The following TNRC6B variants were observed in gnomAD, a reference collection of about 807,000 sequenced individuals.
TNRC6B encodes trinucleotide repeat containing adaptor 6B.
A neutral mutation model predicts 203.6 loss-of-function variants in TNRC6B; 52 were observed. The ratio of observed to expected loss-of-function variants is 0.26; its 90% confidence interval spans 0.20 to 0.32. The LOEUF is 0.32. Among genes scored for constraint, TNRC6B ranks in the 10% least tolerant of loss-of-function variants. TNRC6B has a pLI of 1.00. For synonymous variants in TNRC6B, 838 were observed against 845.7 expected (o/e 0.99, Z 0.16); for missense variants, 1,923 against 2,286.2 (o/e 0.84, Z 3.24).
chr22:40,108,751 A>G (rs1177792004), intron 1 of TNRC6B, among the ~76,000 whole-genome samples: 1 of 152,212 alleles, frequency 6.6e-6, no homozygotes, highest in African/African-American at 2.4e-5. Context: ...CCTTTGAAAT[A>G]CCATTTTTAA....
intron 1 of TNRC6B, among the ~76,000 whole-genome samples, chr22:40,227,631 G>A (rs888149153): frequency 6.6e-6 from 1 of 152,070 alleles, no homozygotes; most frequent in Non-Finnish European, 1.5e-5. Flanking sequence ...GATTACAGGT[G>A]TGAGCCACTG....
Position 40,323,334 on chromosome 22 carries a change from A to G in TNRC6B, c.*93A>G. The stretch of plus-strand genomic sequence containing the variant: ...CGTTTTTTTTTTCAACTTGCAATAA[A>G]TACATTTTTAAAAGGAAAAAAGAAA... On this transcript the variant is annotated 3_prime_UTR_variant, in exon 23 of 23. Transcript: ENST00000454349. 2 of 1,431,990 alleles carry G rather than the reference A, an allele frequency of 1.4e-6. No individual in the cohort carries two copies. The highest frequency in any genetic ancestry group is 2.4e-5 in the Admixed American group (1 of 41,894). 88.7% of individuals were successfully genotyped at this position (1,431,990 alleles called of 1,614,324 possible).
At chr22:40,124,796 C>T (rs1310938924) in intron 2 of TNRC6B, among the ~76,000 whole-genome samples, 1 of 151,928 alleles carries the variant, frequency 6.6e-6, no homozygotes, top group South Asian at 2.1e-4. Flanking sequence ...GGTCGGATCA[C>T]GAGGTCAGGA....
chr22:40,112,274 G>A (rs1029357336), intron 1 of TNRC6B, among the ~76,000 whole-genome samples: 3 of 152,182 alleles, frequency 2.0e-5, no homozygotes, highest in Admixed American at 6.5e-5. Flanking sequence ...GCCCTTCCAG[G>A]GGGGTGGGTG....
Position 40,326,790 on chromosome 22 carries a change from G to A in TNRC6B, c.*3549G>A, listed in dbSNP as rs2071408305. 6.6e-6 allele frequency: 1 copy of A among 152,586 alleles called. No homozygotes were observed. Among genetic ancestry groups the A allele is most frequent in the South Asian group, 2.1e-4 (1 of 4,832 alleles). The allele number at this position is 152,586 out of a possible 1,614,324, so 9.5% of individuals were successfully genotyped here. On this transcript the variant is annotated 3_prime_UTR_variant, in exon 23 of 23. Coordinates refer to ENST00000454349, the MANE Select transcript of TNRC6B (RefSeq NM_001162501.2). ...CAAATTTTAAATATAGGCATTACTAGAGGAAAATTATCTATGGACTGTCCT... is the reference window on the plus strand; with the variant it reads ...CAAATTTTAAATATAGGCATTACTAAAGGAAAATTATCTATGGACTGTCCT...
intron 3 of TNRC6B, among the ~76,000 whole-genome samples, chr22:40,139,210 G>A (rs2068625298): frequency 6.6e-6 from 1 of 152,102 alleles, no homozygotes; most frequent in Non-Finnish European, 1.5e-5. Flanking sequence ...CCTTCTGTGT[G>A]ATGTGAGACT....
chr22:40,095,824 A>G (rs1447689302), intron 1 of TNRC6B, among the ~76,000 whole-genome samples: 1 of 151,956 alleles, frequency 6.6e-6, no homozygotes, highest in Non-Finnish European at 1.5e-5. Flanking sequence ...TAATACAGAA[A>G]TGAATAAGGT....
At position 40,334,705 on chromosome 22, in the gene TNRC6B, C is replaced by T. The variant is rs911858823; in HGVS notation, c.*11464C>T. 5 of 152,564 alleles carry T rather than the reference C, an allele frequency of 3.3e-5. No individual in the cohort carries two copies. Among genetic ancestry groups the T allele is most frequent in the East Asian group, 1.9e-4 (1 of 5,188 alleles). The allele number at this position is 152,564 out of a possible 1,614,324, so 9.5% of individuals were successfully genotyped here. ...AATAATGGGAGTCACTTCACAGAGA[C>T]GCAGGAGGACCTGGGGGGCGTAGCA... On this transcript the variant is annotated 3_prime_UTR_variant, in exon 23 of 23. Transcript: ENST00000454349.
chr22:40,189,953 G>A (rs192193478), intron 1 of TNRC6B, among the ~76,000 whole-genome samples: 3 of 152,232 alleles, frequency 2.0e-5, no homozygotes, highest in South Asian at 2.1e-4. Context: ...AATAAGAGCC[G>A]TCTCATTAAA....
chr22:40,049,877 T>A (rs1401459514), intron 1 of TNRC6B, among the ~76,000 whole-genome samples: 1 of 152,152 alleles, frequency 6.6e-6, no homozygotes, highest in African/African-American at 2.4e-5. Context: ...GTGCTGAGAT[T>A]ACAGGCATGA....
chr22:40,152,898 C>G (rs796615899), intron 3 of TNRC6B, among the ~76,000 whole-genome samples: 1 of 151,812 alleles, frequency 6.6e-6, no homozygotes, highest in Non-Finnish European at 1.5e-5. Flanking sequence ...GTCAGGAGTT[C>G]GAGACCAGCC....
rs2068577419 is a variant in TNRC6B, at chr22:40,134,061, T to TA, written c.45+8200dup. On this transcript the variant is annotated intron_variant, in intron 3 of 23. Coordinates refer to the TNRC6B transcript ENST00000301923. ...GTGTTTCAGATATCTTGATGTCTGT[T>TA]ACATCACATCAAAACTTAGTGGTTT... Among the ~76,000 whole-genome samples, 3 of 151,654 alleles carry TA rather than the reference T, an allele frequency of 2.0e-5. No individual in the cohort carries two copies. In the South Asian group the frequency reaches 6.3e-4, roughly 32 times the overall value.
At chr22:40,252,601 G>GTCCC (rs1555893669) in intron 3 of TNRC6B, among the ~76,000 whole-genome samples, 1 of 152,220 alleles carries the variant, frequency 6.6e-6, no homozygotes, top group Non-Finnish European at 1.5e-5. Flanking sequence ...GGAGAATGTA[G>GTCCC]TCCGGGAGTT....
At chr22:40,180,355 A>G (rs573796717) in intron 1 of TNRC6B, among the ~76,000 whole-genome samples, 1 of 152,320 alleles carries the variant, frequency 6.6e-6, no homozygotes, top group South Asian at 2.1e-4. Context: ...GTGTAAACAT[A>G]TGAATGGCAG....
At chr22:40,286,207 C>T (rs2070778247) in intron 12 of TNRC6B, among the ~76,000 whole-genome samples, 1 of 152,222 alleles carries the variant, frequency 6.6e-6, no homozygotes, top group Non-Finnish European at 1.5e-5. Flanking sequence ...CACAGTGGCT[C>T]ATGCCTGTAA....
In TNRC6B at chr22:40,246,085, AAAG is replaced by A. The variant is rs1364020948; in HGVS notation, c.80_82del (p.Glu27del). The A allele has an allele frequency of 6.5e-6, 10 of 1,549,072 alleles. No individual in the cohort carries two copies. Among genetic ancestry groups the A allele is most frequent in the East Asian group, 2.4e-5 (1 of 40,858 alleles). On this transcript the variant is annotated inframe_deletion, in exon 2 of 23. Coordinates refer to ENST00000454349, the MANE Select transcript of TNRC6B (RefSeq NM_001162501.2). ...AAGGAAGAAAGAGGATAAAAAGAAA[AAAG>A]AAGCCACTCAGAAGGTAGGTTTAAT...
intron 13 of TNRC6B, 77 bp downstream of exon 13, chr22:40,300,663 A>G: frequency 6.6e-7 from 1 of 1,520,060 alleles, no homozygotes; most frequent in Non-Finnish European, 8.8e-7. Context: ...TTTGCTTCCC[A>G]CATCTTTGCC....
In TNRC6B at chr22:40,241,396, T is replaced by C. The variant is rs1011375945; in HGVS notation, c.6-4619T>C. 5.3e-5 allele frequency among the ~76,000 whole-genome samples: 8 copies of C among 152,208 alleles called. No homozygotes were observed. In the South Asian group the frequency reaches 1.4e-3, roughly 28 times the overall value. ...TTCAAGGTGTGAGATTTGCCGCACATTGCATTTGGTTGTTAGGTCTTTGCA... is the reference window on the plus strand; with the variant it reads ...TTCAAGGTGTGAGATTTGCCGCACACTGCATTTGGTTGTTAGGTCTTTGCA... On this transcript the variant is annotated intron_variant, in intron 1 of 22. Transcript: ENST00000454349.
chr22:40,242,404 A>C (rs1490100884), intron 1 of TNRC6B, among the ~76,000 whole-genome samples: 1 of 151,884 alleles, frequency 6.6e-6, no homozygotes, highest in African/African-American at 2.4e-5. Context: ...AACAGTGAGA[A>C]ACATGGCTGT....
Sources: allele counts gnomAD v4.1 joint callset (sites outside exome capture counted in the v4.1 genomes callset), GRCh38; gene constraint gnomAD v4.1.1; transcripts MANE v1.5; gene names NCBI Gene and HGNC (gene_info 2026-07-23, HGNC 2026-07-21).